Variants in CSMD3 observed in about 807,000 individuals in gnomAD.
CSMD3 encodes CUB and Sushi multiple domains 3, also known as CUB and sushi domain-containing protein 3.
A neutral mutation model predicts 435.2 loss-of-function variants in CSMD3; 177 were observed. The ratio of observed to expected loss-of-function variants is 0.41; its 90% CI spans 0.36 to 0.46. CSMD3 has a LOEUF of 0.46. Among genes scored for constraint, CSMD3 ranks in the 20% least tolerant of loss-of-function variants. CSMD3 has a pLI of 0.34. For synonymous variants in CSMD3, 1,656 were observed against 1,520.5 expected, an observed-to-expected ratio of 1.09 and a Z score of -2.07; for missense variants, 4,265 against 4,504.6, an observed-to-expected ratio of 0.95 and a Z score of 1.52.
chr8:113,119,308 A>G (rs2090921411), intron 4 of CSMD3, among the ~76,000 whole-genome samples: 1 of 152,190 alleles, frequency 6.6e-6, no homozygotes, highest in Admixed American at 6.6e-5. Context: ...ATCAAATTTA[A>G]TTCTAACAAT....
chr8:113,165,680 A>C (rs542067542), intron 4 of CSMD3, among the ~76,000 whole-genome samples: 1 of 152,266 alleles, frequency 6.6e-6, no homozygotes, highest in East Asian at 1.9e-4. Flanking sequence ...ATATAATACT[A>C]AAAAAATACA....
At chr8:113,135,395 G>A (rs1217501867) in intron 4 of CSMD3, among the ~76,000 whole-genome samples, 1 of 151,676 alleles carries the variant, frequency 6.6e-6, no homozygotes, top group Non-Finnish European at 1.5e-5. Flanking sequence ...TGTTCCTTTA[G>A]CCTAAATAAT....
intron 32 of CSMD3, among the ~76,000 whole-genome samples, chr8:112,464,108 G>A (rs1817714862): frequency 6.6e-6 from 1 of 151,938 alleles, no homozygotes; most frequent in Non-Finnish European, 1.5e-5. Flanking sequence ...CGTGGTGGCA[G>A]GCACCTGTAG....
chr8:112,583,616 C>T (rs967885099), intron 23 of CSMD3, among the ~76,000 whole-genome samples: 3 of 151,796 alleles, frequency 2.0e-5, no homozygotes, highest in African/African-American at 7.3e-5. Context: ...TGTCACTTAA[C>T]CCACTTACTA....
chr8:113,112,912 T>A (rs1312545564), intron 4 of CSMD3, among the ~76,000 whole-genome samples: 2 of 152,164 alleles, frequency 1.3e-5, no homozygotes, highest in Non-Finnish European at 2.9e-5. Flanking sequence ...TTTAACATGA[T>A]CAAAACTGCA....
intron 8 of CSMD3, among the ~76,000 whole-genome samples, chr8:112,949,411 G>T (rs2083729072): frequency 6.6e-6 from 1 of 151,734 alleles, no homozygotes; most frequent in African/African-American, 2.4e-5. Context: ...ACCTTTCTAG[G>T]TTTTTTGGCC....
At chr8:112,510,617 C>T (rs1393538818) in intron 28 of CSMD3, among the ~76,000 whole-genome samples, 3 of 152,124 alleles carry the variant, frequency 2.0e-5, no homozygotes, top group Non-Finnish European at 4.4e-5. Context: ...TCTGTTGCTT[C>T]TCTTATTGTA....
At chr8:112,970,569 G>A (rs2084613503) in intron 7 of CSMD3, among the ~76,000 whole-genome samples, 1 of 151,786 alleles carries the variant, frequency 6.6e-6, no homozygotes, top group South Asian at 2.1e-4. Flanking sequence ...TTACATTAAT[G>A]TATGTCTTCC....
At chr8:112,378,328 C>T (rs1406726321) in intron 38 of CSMD3, among the ~76,000 whole-genome samples, 1 of 151,562 alleles carries the variant, frequency 6.6e-6, no homozygotes, top group African/African-American at 2.4e-5. Flanking sequence ...CCGGATATAT[C>T]CAAAAGACAA....
intron 5 of CSMD3, among the ~76,000 whole-genome samples, chr8:113,032,425 A>T (rs890989998): frequency 2.6e-5 from 4 of 151,496 alleles, no homozygotes; most frequent in African/African-American, 7.3e-5. Context: ...CTTAGCAAAG[A>T]CTCTGGTGGT....
chr8:113,368,673 A>G (rs1216569523), intron 1 of CSMD3, among the ~76,000 whole-genome samples: 1 of 152,130 alleles, frequency 6.6e-6, no homozygotes, highest in Non-Finnish European at 1.5e-5. Context: ...TTGGCAAAGC[A>G]AGTGATGCCC....
intron 2 of CSMD3, among the ~76,000 whole-genome samples, chr8:113,285,634 T>G (rs1436025499): frequency 6.6e-6 from 1 of 152,138 alleles, no homozygotes; most frequent in Non-Finnish European, 1.5e-5. Flanking sequence ...TAAGTAAGAT[T>G]AGTAAACATT....
intron 35 of CSMD3, among the ~76,000 whole-genome samples, chr8:112,402,316 C>A (rs987984469): frequency 6.6e-6 from 1 of 152,200 alleles, no homozygotes; most frequent in Non-Finnish European, 1.5e-5. Context: ...GATGATTTCA[C>A]TCAATTTTAC....
intron 1 of CSMD3, among the ~76,000 whole-genome samples, chr8:113,376,098 A>G (rs2094380856): frequency 2.6e-5 from 4 of 152,182 alleles, no homozygotes; most frequent in African/African-American, 4.8e-5. Flanking sequence ...TGTTTTAATG[A>G]GATGACTCAA....
At chr8:112,560,544 T>C (rs567216476) in intron 24 of CSMD3, among the ~76,000 whole-genome samples, 7 of 151,826 alleles carry the variant, frequency 4.6e-5, no homozygotes, top group Admixed American at 2.0e-4. Context: ...TTTTTAAAAA[T>C]AGTTTCAAGA....
chr8:113,120,518 T>A (rs1022022985), intron 4 of CSMD3, among the ~76,000 whole-genome samples: 1 of 152,194 alleles, frequency 6.6e-6, no homozygotes, highest in Non-Finnish European at 1.5e-5. Flanking sequence ...AAATGATTTA[T>A]GCTACAAATA....
chr8:112,798,592 A>G lies in CSMD3; in HGVS notation c.1972+1570T>C, dbSNP rs964183582. 2.6e-5 allele frequency among the ~76,000 whole-genome samples: 4 copies of G among 151,878 alleles called. No individual in the cohort carries two copies. The South Asian group carries it at 6.2e-4, about 24-fold the overall frequency. ...GAAAACTGAGCAGACGGAGAACAATATAATGTTTAATTGTGCTGCTCTACA... is the reference window on the plus strand; with the variant it reads ...GAAAACTGAGCAGACGGAGAACAATGTAATGTTTAATTGTGCTGCTCTACA... On this transcript the variant is annotated intron_variant, in intron 13 of 70. Transcript: ENST00000297405.
At chr8:112,537,461 A>T (rs1220827282) in intron 27 of CSMD3, among the ~76,000 whole-genome samples, 2 of 151,940 alleles carry the variant, frequency 1.3e-5, no homozygotes, top group Non-Finnish European at 2.9e-5. Flanking sequence ...CTTTTTGAAA[A>T]GATAAACTAA....
rs372625042 is a variant in CSMD3 at position 112,578,351 on chromosome 8, T to C, written c.3886-4694A>G. Among the ~76,000 whole-genome samples the C allele has an allele frequency of 2.6e-5, 4 of 152,120 alleles. No individual in the cohort carries two copies. In the East Asian group the frequency reaches 5.8e-4, roughly 22 times the overall value. On this transcript the variant is annotated intron_variant, in intron 23 of 70. Transcript: ENST00000297405. ...TCGGTTTTTTGTTATATAATAGAGTTGAACTTCCAACTCTACATTAAAGTT... is the reference window on the plus strand; with the variant it reads ...TCGGTTTTTTGTTATATAATAGAGTCGAACTTCCAACTCTACATTAAAGTT...
Sources: allele counts gnomAD v4.1 joint callset (sites outside exome capture counted in the v4.1 genomes callset), GRCh38; gene constraint gnomAD v4.1.1; transcripts MANE v1.5; gene names NCBI Gene and HGNC (gene_info 2026-07-23, HGNC 2026-07-21).